CDH13: variants seen among roughly 807,000 people sequenced by gnomAD.
The protein encoded by CDH13 is cadherin 13.
CDH13 carries 24 observed loss-of-function variants against 63.8 expected under a neutral mutation model. The observed-to-expected ratio is 0.38, with a 90% CI of 0.27 to 0.53. CDH13 has a LOEUF of 0.53. Among genes scored for constraint, CDH13 ranks in the 20% least tolerant of loss-of-function variants. The probability of loss-of-function intolerance (pLI) is 0.85; values close to 1 mark genes in which losing one functional copy is unlikely to be tolerated. For missense variants in CDH13, 1,049 were observed against 903.1 expected, an observed-to-expected ratio of 1.16 and a Z score of -2.07; for synonymous variants, 503 against 355.3, an observed-to-expected ratio of 1.42 and a Z score of -4.67.
At chr16:82,873,248 T>G (rs1188715223) in intron 2 of CDH13, among the ~76,000 whole-genome samples, 2 of 152,202 alleles carry the variant, frequency 1.3e-5, no homozygotes, top group Non-Finnish European at 2.9e-5. Flanking sequence ...AGGAGGGCTG[T>G]CATTTGATAC....
chr16:83,014,483 C>G (rs1482116496), intron 2 of CDH13, among the ~76,000 whole-genome samples: 1 of 151,534 alleles, frequency 6.6e-6, no homozygotes, highest in Admixed American at 6.6e-5. Context: ...CCTGTAATCT[C>G]AGCACTTTGG....
At chr16:83,041,111 A>T (rs191305237) in intron 3 of CDH13, among the ~76,000 whole-genome samples, 45 of 152,318 alleles carry the variant, frequency 3.0e-4, no homozygotes, top group Admixed American at 6.5e-4. Context: ...TTCATTATGA[A>T]CAATTTACCC....
intron 5 of CDH13, among the ~76,000 whole-genome samples, chr16:83,253,760 A>G (rs79034155): frequency 0.018 from 2,769 of 152,262 alleles, 82 homozygotes; most frequent in African/African-American, 0.061. Flanking sequence ...AATTATTACC[A>G]TTATTTTCAC....
chr16:82,716,866 C>T (rs1333366760), intron 1 of CDH13, among the ~76,000 whole-genome samples: 2 of 151,818 alleles, frequency 1.3e-5, no homozygotes, highest in East Asian at 2.0e-4. Context: ...CAAGCAGAAG[C>T]CTTACACGGG....
intron 1 of CDH13, among the ~76,000 whole-genome samples, chr16:82,721,909 G>A (rs2151022831): frequency 6.6e-6 from 1 of 152,194 alleles, no homozygotes; most frequent in Admixed American, 6.5e-5. Flanking sequence ...GTGGCAGTGG[G>A]AATGGAAGGA....
At chr16:83,279,880 A>G (rs1582595) in intron 5 of CDH13, among the ~76,000 whole-genome samples, 151,224 of 152,068 alleles carry the variant, frequency 0.99, 75,203 homozygotes, top group Middle Eastern at 1. Context: ...TAGAAGCTCC[A>G]TTTATACTAT....
chr16:82,993,064 C>T (rs536801744), intron 2 of CDH13, among the ~76,000 whole-genome samples: 4 of 152,244 alleles, frequency 2.6e-5, no homozygotes, highest in Admixed American at 2.6e-4. Context: ...TTCCTCAAGA[C>T]TTACCAGGCC....
At chr16:83,031,283 A>T (rs1171578680) in intron 2 of CDH13, among the ~76,000 whole-genome samples, 3 of 144,946 alleles carry the variant, frequency 2.1e-5, no homozygotes, top group Non-Finnish European at 3.1e-5. Flanking sequence ...TGTATACACC[A>T]TATACATGCG....
intron 4 of CDH13, among the ~76,000 whole-genome samples, chr16:83,145,596 T>C (rs998854401): frequency 2.0e-5 from 3 of 152,242 alleles, no homozygotes. Context: ...CCCACTTTGA[T>C]ATTCTGCCTT....
At chr16:83,538,066 T>G (rs1288981557) in intron 7 of CDH13, among the ~76,000 whole-genome samples, 1 of 152,178 alleles carries the variant, frequency 6.6e-6, no homozygotes, top group Non-Finnish European at 1.5e-5. Context: ...CTAAACAAGT[T>G]GAATATGCGC....
chr16:83,621,504 T>TTTTTTTG (rs1909813489), intron 8 of CDH13, among the ~76,000 whole-genome samples: 2 of 134,022 alleles, frequency 1.5e-5, no homozygotes, highest in East Asian at 2.5e-4. Context: ...TTTTTTTTTT[T>TTTTTTTG]GAGATGGAGT....
intron 1 of CDH13, among the ~76,000 whole-genome samples, chr16:82,632,621 C>G (rs567866011): frequency 6.6e-6 from 1 of 152,280 alleles, no homozygotes; most frequent in South Asian, 2.1e-4. Flanking sequence ...ATATAGAGGC[C>G]TGCATACCCT....
chr16:83,202,973 C>G (rs1264568714), intron 4 of CDH13, among the ~76,000 whole-genome samples: 1 of 152,130 alleles, frequency 6.6e-6, no homozygotes, highest in African/African-American at 2.4e-5. Context: ...CGCCTGTAAT[C>G]CCAGTACTTT....
chr16:83,453,449 G>A (rs952254875), intron 6 of CDH13, among the ~76,000 whole-genome samples: 2 of 152,100 alleles, frequency 1.3e-5, no homozygotes, highest in African/African-American at 4.8e-5. Context: ...CAGGATTGTT[G>A]AAAGAAACAA....
At chr16:83,458,757 A>G (rs996511098) in intron 6 of CDH13, among the ~76,000 whole-genome samples, 3 of 152,168 alleles carry the variant, frequency 2.0e-5, no homozygotes, top group African/African-American at 4.8e-5. Flanking sequence ...TGAATTCCCA[A>G]TGGTGCGATT....
At chr16:83,062,115 A>G (rs1207778552) in intron 3 of CDH13, among the ~76,000 whole-genome samples, 1 of 152,216 alleles carries the variant, frequency 6.6e-6, no homozygotes, top group East Asian at 1.9e-4. Context: ...GCTGTTTCTG[A>G]GCTTTGCATC....
chr16:83,539,933 C>T (rs928130270), intron 7 of CDH13, among the ~76,000 whole-genome samples: 2 of 152,164 alleles, frequency 1.3e-5, no homozygotes, highest in African/African-American at 4.8e-5. Context: ...GTGATTAATT[C>T]CCTGACATTC....
At chr16:82,714,246 C>T (rs982236938) in intron 1 of CDH13, among the ~76,000 whole-genome samples, 5 of 152,318 alleles carry the variant, frequency 3.3e-5, no homozygotes, top group South Asian at 2.1e-4. Context: ...CCAACATACC[C>T]GCTTCCAAGT....
At chr16:83,100,504 C>T (rs1433200967) in intron 3 of CDH13, among the ~76,000 whole-genome samples, 8 of 152,208 alleles carry the variant, frequency 5.3e-5, no homozygotes, top group Non-Finnish European at 1.0e-4. Flanking sequence ...CTCCAACTTA[C>T]AGTCCAAGAC....
Sources: gnomAD v4.1 joint callset for allele counts (sites outside exome capture counted in the v4.1 genomes callset) on GRCh38, gnomAD v4.1.1 for gene constraint, MANE v1.5 for transcripts, NCBI Gene and HGNC (gene_info 2026-07-23, HGNC 2026-07-21) for gene names.